The following NDUFAB1 variants were observed in gnomAD, a reference collection of about 807,000 sequenced individuals.
NDUFAB1 encodes the protein acyl carrier protein, mitochondrial.
In NDUFAB1, 5 loss-of-function variants were observed where a neutral mutation model predicts 16.1. That is an observed-to-expected ratio of 0.31 (90% CI 0.16 to 0.65). The LOEUF (loss-of-function observed/expected upper bound fraction) is 0.65. Among genes scored for constraint, NDUFAB1 ranks in the 30% least tolerant of loss-of-function variants. The probability of loss-of-function intolerance (pLI) is 0.77; values close to 1 mark genes in which losing one functional copy is unlikely to be tolerated. For missense variants in NDUFAB1, 187 were observed against 205.3 expected (o/e 0.91, Z 0.54); for synonymous variants, 85 against 78.4 (o/e 1.08, Z -0.44).
intron 3 of NDUFAB1, among the ~76,000 whole-genome samples, chr16:23,583,475 C>CT (rs961514337): frequency 6.7e-6 from 1 of 149,804 alleles, no homozygotes; most frequent in Non-Finnish European, 1.5e-5. Context: ...CACCCATCGT[C>CT]TGAGATGTGG....
chr16:23,595,332 T>A, intron 1 of NDUFAB1: 1 of 303,008 alleles, frequency 3.3e-6, no homozygotes, highest in South Asian at 2.6e-5. Flanking sequence ...GCAGATTTCA[T>A]CAGCTCAAGC....
At chr16:23,594,146 G>A (rs1966302938) in intron 1 of NDUFAB1, among the ~76,000 whole-genome samples, 1 of 151,910 alleles carries the variant, frequency 6.6e-6, no homozygotes, top group African/African-American at 2.4e-5. Context: ...CTCCCAAACT[G>A]CTGGGATTAC....
At chr16:23,591,624 G>A (rs1966279952) in intron 1 of NDUFAB1, among the ~76,000 whole-genome samples, 1 of 152,088 alleles carries the variant, frequency 6.6e-6, no homozygotes, top group Non-Finnish European at 1.5e-5. Context: ...CACTCCCTAT[G>A]ACCTTTGCAG....
chr16:23,582,870 G>A (rs1424690926), intron 3 of NDUFAB1, among the ~76,000 whole-genome samples: 5 of 151,354 alleles, frequency 3.3e-5, no homozygotes, highest in Admixed American at 1.3e-4. Flanking sequence ...ATGCCGAGCC[G>A]AAGCTGGACT....
chr16:23,589,942 G>GAAAAAAAAAA (rs57098255), intron 1 of NDUFAB1, among the ~76,000 whole-genome samples: 1 of 70,504 alleles, frequency 1.4e-5, no homozygotes, highest in Non-Finnish European at 3.1e-5. Flanking sequence ...TCTCCAAAAA[G>GAAAAAAAAAA]AAAAAAAAAA....
chr16:23,588,231 G>A (rs1966249601), intron 1 of NDUFAB1, among the ~76,000 whole-genome samples: 1 of 152,050 alleles, frequency 6.6e-6, no homozygotes, highest in East Asian at 1.9e-4. Flanking sequence ...ACGGTGAGCA[G>A]ATCACCTGAG....
intron 2 of NDUFAB1, among the ~76,000 whole-genome samples, chr16:23,585,782 ACTACATCGAATTTTTTTTAACATACAG>A (rs1966227523): frequency 6.6e-6 from 1 of 152,030 alleles, no homozygotes; most frequent in Admixed American, 6.6e-5. Flanking sequence ...TGTCCTTGTG[ACTACATCGAATTTTTTTTAACATACAG>A]AGGCTATAAC....
intron 1 of NDUFAB1, chr16:23,595,617 T>C (rs1372697585): frequency 2.2e-6 from 1 of 456,404 alleles, no homozygotes; most frequent in African/African-American, 2.0e-5. Context: ...CTTCCAGGAG[T>C]CCTGGACACA....
intron 4 of NDUFAB1, 112 bp downstream of exon 4, chr16:23,582,161 TAAG>T (rs1029837330): frequency 7.9e-7 from 1 of 1,264,492 alleles, no homozygotes; most frequent in African/African-American, 1.6e-5. Flanking sequence ...TTGCATTTTA[TAAG>T]TAGTGAAAAA....
chr16:23,591,023 C>A (rs1438246408), intron 1 of NDUFAB1: 2 of 152,140 alleles, frequency 1.3e-5, no homozygotes, highest in African/African-American at 2.4e-5. Flanking sequence ...CTGGTGAGAT[C>A]CATGATACTA....
chr16:23,590,278 CAGTA>C (rs1269618068), intron 1 of NDUFAB1, among the ~76,000 whole-genome samples: 1 of 152,190 alleles, frequency 6.6e-6, no homozygotes, highest in Non-Finnish European at 1.5e-5. Context: ...CAGCGTGAGG[CAGTA>C]AGTTAGTGGG....
intron 1 of NDUFAB1, chr16:23,595,322 G>T (rs570101253): frequency 3.4e-6 from 1 of 290,218 alleles, no homozygotes; most frequent in African/African-American, 2.2e-5. Flanking sequence ...TCAGCCTCAC[G>T]CAGATTTCAT....
At chr16:23,589,039 C>T (rs1256095251) in intron 1 of NDUFAB1, among the ~76,000 whole-genome samples, 1 of 152,094 alleles carries the variant, frequency 6.6e-6, no homozygotes, top group Non-Finnish European at 1.5e-5. Flanking sequence ...GTGGCTCACA[C>T]CTGTAATTGC....
At chr16:23,591,840 A>G (rs1160914968) in intron 1 of NDUFAB1, among the ~76,000 whole-genome samples, 1 of 152,114 alleles carries the variant, frequency 6.6e-6, no homozygotes, top group Non-Finnish European at 1.5e-5. Flanking sequence ...TGCACTACAC[A>G]CACCTGTTTC....
chr16:23,584,644 G>C (rs1390963736), intron 3 of NDUFAB1, among the ~76,000 whole-genome samples: 3 of 152,134 alleles, frequency 2.0e-5, no homozygotes, highest in African/African-American at 7.2e-5. Context: ...AACAGGCTTT[G>C]AGAGATACAG....
intron 1 of NDUFAB1, among the ~76,000 whole-genome samples, chr16:23,590,165 C>T (rs994838666): frequency 6.6e-6 from 1 of 152,114 alleles, no homozygotes; most frequent in Non-Finnish European, 1.5e-5. Flanking sequence ...CTCAGCAGCT[C>T]CAGCAAGTAC....
chr16:23,589,095 C>T (rs769050414), intron 1 of NDUFAB1, among the ~76,000 whole-genome samples: 1 of 151,474 alleles, frequency 6.6e-6, no homozygotes, highest in East Asian at 1.9e-4. Context: ...GTCAGGAGTT[C>T]GACACTAGCC....
At chr16:23,594,574 G>A (rs370529321) in intron 1 of NDUFAB1, among the ~76,000 whole-genome samples, 2 of 149,598 alleles carry the variant, frequency 1.3e-5, no homozygotes, top group East Asian at 2.1e-4. Context: ...GAATGGTCTC[G>A]ATCGCCTGAC....
At chr16:23,581,868 C>G (rs1000575578) in intron 4 of NDUFAB1, 4 of 153,026 alleles carry the variant, frequency 2.6e-5, no homozygotes, top group African/African-American at 9.6e-5. Flanking sequence ...TTGGGTGTCT[C>G]TGACTCCAAA....
Sources: gnomAD v4.1 joint callset for allele counts (sites outside exome capture counted in the v4.1 genomes callset) on GRCh38, gnomAD v4.1.1 for gene constraint, MANE v1.5 for transcripts, NCBI Gene and HGNC (gene_info 2026-07-23, HGNC 2026-07-21) for gene names.